ARRB2: variants seen among roughly 807,000 people sequenced by gnomAD.
ARRB2 encodes arrestin beta 2.
In ARRB2, 21 loss-of-function variants were observed where a neutral mutation model predicts 53.4. That is an observed-to-expected ratio of 0.39 (90% confidence interval 0.28 to 0.57). The LOEUF is 0.57. Ranked by LOEUF, ARRB2 falls within the 20% of genes least tolerant of loss-of-function variation. ARRB2 has a pLI of 0.55. For missense variants in ARRB2, 369 were observed against 527.5 expected (o/e 0.70, Z 2.94); for synonymous variants, 180 against 212.9 (o/e 0.85, Z 1.34).
rs34451583 is a variant in ARRB2 at position 4,720,926 on chromosome 17, C to A, written c.1137-20C>A. On this transcript the variant is annotated intron_variant, in intron 14 of 14. Coordinates refer to ENST00000269260, the MANE Select transcript of ARRB2 (RefSeq NM_004313.4). ...AGAGTCAGAAGCCCTCACCTCACAACCCTCTTTCCCACCACCAAGCTATGC... is the reference window on the plus strand; with the variant it reads ...AGAGTCAGAAGCCCTCACCTCACAAACCTCTTTCCCACCACCAAGCTATGC... The A allele has an allele frequency of 1.2e-6, 2 of 1,612,600 alleles. No individual in the cohort carries two copies. The highest frequency in any genetic ancestry group is 1.1e-5 in the South Asian group (1 of 91,026).
rs369902346 is a variant in ARRB2, at chr17:4,715,028, G to A, written c.39G>A (p.Ser13=). ...GTTTTGTTAGGGTCTTCAAGAAGTC[G>A]AGCCCTAACTGCAAGGTGAGTCTCC... ...EKPGTRVFKK[S]SPNCKLTVYL... is the part of the protein sequence containing the mutation. Residue 13 remains serine, a synonymous_variant, in exon 2 of 15, where the codon TCG becomes TCA. Transcript: ENST00000269260. The A allele has an allele frequency of 9.3e-6, 15 of 1,605,214 alleles. No homozygotes were observed. In the African/African-American group the frequency reaches 9.4e-5, roughly 10 times the overall value.
chr17:4,716,805 C>T (rs773347434), intron 5 of ARRB2, 197 bp downstream of exon 5: 3 of 950,810 alleles, frequency 3.2e-6, no homozygotes, highest in Non-Finnish European at 4.6e-6. Context: ...TCCTTCTTCC[C>T]TTCTCATCCC....
chr17:4,720,415 TTTG>T lies in ARRB2; in HGVS notation c.1027_1029del (p.Val343del). 1 of 1,613,752 alleles carries T rather than the reference TTTG, an allele frequency of 6.2e-7. No homozygotes were observed. Among genetic ancestry groups the T allele is most frequent in the Non-Finnish European group, 8.5e-7 (1 of 1,179,912 alleles). ...CAGGGATGTCTCTGTGGAGCTGCCT[TTTG>T]TTCTTATGCACCCCAAGCCCCACGA... On this transcript the variant is annotated inframe_deletion, in exon 13 of 15. Transcript: ENST00000269260.
At chr17:4,715,718 C>CAA in intron 2 of ARRB2, 2 of 450,576 alleles carry the variant, frequency 4.4e-6, no homozygotes, top group South Asian at 2.3e-5. Flanking sequence ...CACACACACA[C>CAA]ACACACAAAC....
chr17:4,715,304 T>C (rs2150588044), intron 2 of ARRB2: 2 of 510,672 alleles, frequency 3.9e-6, no homozygotes, highest in East Asian at 3.2e-5. Context: ...AAGCAAGCCA[T>C]GTGCCTGTAG....
At chr17:4,716,258 G>A (rs1915019215) in intron 4 of ARRB2, 67 bp downstream of exon 4, 3 of 1,610,704 alleles carry the variant, frequency 1.9e-6, no homozygotes, top group African/African-American at 2.7e-5. Flanking sequence ...GGCTGGCCTT[G>A]GAAGGGCGCC....
In ARRB2 at chr17:4,717,132, C is replaced by T; in HGVS notation, c.358-85C>T. 5 of 1,445,918 alleles carry T rather than the reference C, an allele frequency of 3.5e-6. No homozygotes were observed. The highest frequency in any genetic ancestry group is 3.9e-6 in the Non-Finnish European group (4 of 1,028,782). The allele number at this position is 1,445,918 out of a possible 1,614,324, so 89.6% of individuals were successfully genotyped here. A position where few individuals can be genotyped will look rare whatever the true frequency, so the allele number is the denominator to read the frequency against. On this transcript the variant is annotated intron_variant, in intron 5 of 14. Transcript: ENST00000269260. This position sits in a 1 kb window ranked among gnomAD's most constrained non-coding sequence, Gnocchi z 6.0. ...TACAGGCATGAGCCACCACACCCAG[C>T]GTCTCCAGCCTCTTAGGTTGAGATT...
chr17:4,713,052 A>C (rs1405737690), intron 1 of ARRB2, among the ~76,000 whole-genome samples: 1 of 152,200 alleles, frequency 6.6e-6, no homozygotes, highest in African/African-American at 2.4e-5. Flanking sequence ...GCAGTGGCTC[A>C]ATCTCAGCTC....
chr17:4,713,790 C>CAAA (rs562386798), intron 1 of ARRB2, among the ~76,000 whole-genome samples: 1 of 120,306 alleles, frequency 8.3e-6, no homozygotes, highest in Non-Finnish European at 1.7e-5. Context: ...ACTCCATCTC[C>CAAA]AAAAAAAAAA....
intron 10 of ARRB2, 63 bp from the exon 11 acceptor site, chr17:4,719,220 A>G (rs1199999350): frequency 6.4e-7 from 1 of 1,565,516 alleles, no homozygotes; most frequent in Admixed American, 1.8e-5. Context: ...CTTGGGGGTC[A>G]TAGGCCGCCC....
chr17:4,720,223 G>C lies in ARRB2; in HGVS notation c.925G>C (p.Glu309Gln), dbSNP rs753868046. The C allele has an allele frequency of 9.9e-6, 16 of 1,612,956 alleles. No individual in the cohort carries two copies. In the East Asian group the frequency reaches 3.3e-4, roughly 34 times the overall value. ...TNLASSTIVKEGANKEVLGIL... is the reference protein window; with the variant it reads ...TNLASSTIVKQGANKEVLGIL... ...CAACACCCTCAATTGCAGCGTGAAG[G>C]AGGGTGCCAACAAGGAGGTGCTGGG... The change falls in exon 12 of 15, where the codon GAG (glutamate) becomes CAG (glutamine). Residue 309 changes from glutamate (E) to glutamine (Q), a missense_variant. Coordinates refer to ENST00000269260, the MANE Select transcript of ARRB2 (RefSeq NM_004313.4).
chr17:4,717,126 A>T lies in ARRB2; in HGVS notation c.358-91A>T. 7.1e-7 allele frequency: 1 copy of T among 1,416,096 alleles called. No individual in the cohort carries two copies. The highest frequency in any genetic ancestry group is 1.0e-6 in the Non-Finnish European group (1 of 1,002,004). 87.7% of individuals were successfully genotyped at this position (1,416,096 alleles called of 1,614,324 possible). A position where few individuals can be genotyped will look rare whatever the true frequency, so the allele number is the denominator to read the frequency against. On this transcript the variant is annotated intron_variant, in intron 5 of 14. Coordinates refer to ENST00000269260, the MANE Select transcript of ARRB2 (RefSeq NM_004313.4). The surrounding 1 kb of genome is among the most constrained non-coding windows in gnomAD (Gnocchi z 6.0). The stretch of plus-strand genomic sequence containing the variant: ...TGGGATTACAGGCATGAGCCACCAC[A>T]CCCAGCGTCTCCAGCCTCTTAGGTT...
rs1390278677 is a variant in ARRB2 at position 4,717,292 on chromosome 17, C to T, written c.417+16C>T. 2.5e-6 allele frequency: 4 copies of T among 1,613,726 alleles called. No individual in the cohort carries two copies. Among genetic ancestry groups the T allele is most frequent in the South Asian group, 2.2e-5 (2 of 91,090 alleles). On this transcript the variant is annotated intron_variant, in intron 6 of 14. Transcript: ENST00000269260. This position sits in a 1 kb window ranked among gnomAD's most constrained non-coding sequence, Gnocchi z 6.0. Reference sequence around the variant, plus strand: ...TACAGGAAAGGTACGGGAGGAACAGCTCTGAGGGCTCCTAGGGCAGGACAT... The same window carrying T: ...TACAGGAAAGGTACGGGAGGAACAGTTCTGAGGGCTCCTAGGGCAGGACAT...
At chr17:4,720,543 C>T in intron 13 of ARRB2, 43 bp from the exon 14 acceptor site, 1 of 1,572,634 alleles carries the variant, frequency 6.4e-7, no homozygotes, top group Non-Finnish European at 8.6e-7. Flanking sequence ...AAAACTGGCC[C>T]TTCCAGCACC....
At position 4,717,199 on chromosome 17, in the gene ARRB2, C is replaced by G. The variant is rs779039167; in HGVS notation, c.358-18C>G. 25 of 1,613,196 alleles carry G rather than the reference C, an allele frequency of 1.5e-5. No homozygotes were observed. The highest frequency in any genetic ancestry group is 2.1e-5 in the Non-Finnish European group (25 of 1,179,284). On this transcript the variant is annotated intron_variant, in intron 5 of 14. Transcript: ENST00000269260. This position sits in a 1 kb window ranked among gnomAD's most constrained non-coding sequence, Gnocchi z 6.0. ...GGCTTTCTGGAAGAACTGAAGTCTT[C>G]TCCTTCCTCCGCCACAGATACCCCA...
At chr17:4,714,200 C>A (rs140201219) in intron 1 of ARRB2, among the ~76,000 whole-genome samples, 1 of 152,160 alleles carries the variant, frequency 6.6e-6, no homozygotes, top group Non-Finnish European at 1.5e-5. Context: ...TGACAGGAAC[C>A]CAAAACAAGG....
Position 4,716,548 on chromosome 17 carries a change from C to G in ARRB2, c.297C>G (p.Thr99=). The change falls in exon 5 of 15, where the codon ACC becomes ACG. Residue 99 remains threonine (T), a synonymous_variant. Transcript: ENST00000269260. ...PPVPNPPRPP[T]RLQDRLLRKL... ...TGCCCAACCCACCCCGGCCCCCCAC[C>G]CGCCTGCAGGACCGGCTGCTGAGGA... The G allele has an allele frequency of 6.3e-7, 1 of 1,595,302 alleles. No individual in the cohort carries two copies. Among genetic ancestry groups the G allele is most frequent in the Non-Finnish European group, 8.5e-7 (1 of 1,171,836 alleles).
chr17:4,711,127 C>T (rs1567677941), intron 1 of ARRB2, among the ~76,000 whole-genome samples: 1 of 152,060 alleles, frequency 6.6e-6, no homozygotes, highest in Non-Finnish European at 1.5e-5. Flanking sequence ...TCCAGACTCG[C>T]GCCAAGCCAA....
At chr17:4,715,934 TC>T in intron 2 of ARRB2, 38 bp from the exon 3 acceptor site, 21 of 1,613,480 alleles carry the variant, frequency 1.3e-5, no homozygotes, top group Non-Finnish European at 1.8e-5. Context: ...CCTGTCACCA[TC>T]CTCCCCAATC....
Sources: gnomAD v4.1 joint callset for allele counts (sites outside exome capture counted in the v4.1 genomes callset) on GRCh38, gnomAD v4.1.1 for gene constraint, Gnocchi (gnomAD v3.1) non-coding constraint, MANE v1.5 for transcripts, NCBI Gene and HGNC (gene_info 2026-07-23, HGNC 2026-07-21) for gene names.